Variants in TMEM255B observed in about 807,000 individuals in gnomAD.
TMEM255B encodes transmembrane protein 255B.
Under a neutral mutation model 34.5 loss-of-function variants are expected in TMEM255B, and 35 were observed. The observed-to-expected ratio is 1.01, with a 90% confidence interval of 0.77 to 1.34. The LOEUF (loss-of-function observed/expected upper bound fraction) is 1.34, where lower values mean the gene tolerates loss of function less well. TMEM255B is among the 40% of genes most tolerant of loss of function. The pLI, the probability that TMEM255B is intolerant of heterozygous loss-of-function variation, is 0.00. For synonymous variants in TMEM255B, 206 were observed against 201.2 expected, an observed-to-expected ratio of 1.02 and a Z score of -0.20; for missense variants, 432 against 433.2, an observed-to-expected ratio of 1.00 and a Z score of 0.02.
chr13:113,812,996 CGGGTCCCG>C lies in TMEM255B; in HGVS notation c.*1094_*1101del, dbSNP rs2051355968. ...TGGGTCACGGGTCCCGGGTGGGTCA[CGGGTCCCG>C]AGTGGGTCACGGGTCCCGGGTGGGT... On this transcript the variant is annotated 3_prime_UTR_variant, in exon 9 of 9. Transcript: ENST00000375353. 7.2e-6 allele frequency: 1 copy of C among 139,402 alleles called. No homozygotes were observed. Among genetic ancestry groups the C allele is most frequent in the African/African-American group, 3.3e-5 (1 of 30,212 alleles). 8.6% of individuals were successfully genotyped at this position (139,402 alleles called of 1,614,324 possible). A position where few individuals can be genotyped will look rare whatever the true frequency, so the allele number is the denominator to read the frequency against.
intron 3 of TMEM255B, among the ~76,000 whole-genome samples, chr13:113,785,457 T>G (rs946145856): frequency 2.6e-5 from 4 of 152,226 alleles, no homozygotes; most frequent in African/African-American, 9.6e-5. Flanking sequence ...TAGGGTCTCA[T>G]GTTTGCTCCT....
chr13:113,787,746 C>T (rs911300548), intron 3 of TMEM255B, among the ~76,000 whole-genome samples: 4 of 151,652 alleles, frequency 2.6e-5, no homozygotes, highest in African/African-American at 4.8e-5. Flanking sequence ...GTGTGAGAGC[C>T]GTGAATGTGT....
chr13:113,789,371 A>G (rs1256486107), intron 3 of TMEM255B, among the ~76,000 whole-genome samples: 1 of 152,152 alleles, frequency 6.6e-6, no homozygotes, highest in Non-Finnish European at 1.5e-5. Context: ...CTCATGGGCT[A>G]TGGAGAGTGG....
At chr13:113,811,631 G>A in intron 8 of TMEM255B, 105 bp from the exon 9 acceptor site, 5 of 1,350,654 alleles carry the variant, frequency 3.7e-6, no homozygotes, top group Middle Eastern at 2.6e-4. Flanking sequence ...GGTTGGCGGG[G>A]TGGGTGGGGA....
At chr13:113,773,695 A>T (rs1373756290) in intron 3 of TMEM255B, among the ~76,000 whole-genome samples, 1 of 152,334 alleles carries the variant, frequency 6.6e-6, no homozygotes, top group East Asian at 1.9e-4. Flanking sequence ...TTAATTTAAT[A>T]CTTGTGGTAG....
intron 2 of TMEM255B, 133 bp downstream of exon 2, chr13:113,766,390 A>G (rs2050391165): frequency 7.7e-7 from 1 of 1,304,624 alleles, no homozygotes. Context: ...TGTGGTCGGC[A>G]GGGTTATGGC....
chr13:113,790,406 G>A (rs113198195), intron 3 of TMEM255B, among the ~76,000 whole-genome samples: 5 of 95,540 alleles, frequency 5.2e-5, no homozygotes, highest in African/African-American at 1.1e-4. Context: ...GACCGGACAC[G>A]TGGACATCCT....
chr13:113,811,684 C>T lies in TMEM255B; in HGVS notation c.814-52C>T, dbSNP rs531927754. 158 of 1,603,718 alleles carry T rather than the reference C, an allele frequency of 9.9e-5. No homozygotes were observed. In the South Asian group the frequency reaches 1.2e-3, roughly 12 times the overall value. On this transcript the variant is annotated intron_variant, in intron 8 of 8. Transcript: ENST00000375353. Reference sequence around the variant, plus strand: ...GTATATGTCAGGCTTCCCTGTGGTCCGGCACGGGGTGGTCTCACCTGCTAA... The same window carrying T: ...GTATATGTCAGGCTTCCCTGTGGTCTGGCACGGGGTGGTCTCACCTGCTAA...
chr13:113,798,710 C>G (rs1234328937), intron 4 of TMEM255B, among the ~76,000 whole-genome samples: 2 of 125,820 alleles, frequency 1.6e-5, no homozygotes, highest in Non-Finnish European at 3.3e-5. Context: ...TGGATGGATA[C>G]ATGGATGGAT....
intron 3 of TMEM255B, among the ~76,000 whole-genome samples, chr13:113,775,938 G>A (rs2050569876): frequency 1.3e-5 from 2 of 152,224 alleles, no homozygotes; most frequent in African/African-American, 4.8e-5. Context: ...TTTTCCAGGT[G>A]CACGTGGCCT....
chr13:113,795,035 A>G (rs2050895802), intron 3 of TMEM255B, 113 bp from the exon 4 acceptor site: 3 of 906,618 alleles, frequency 3.3e-6, no homozygotes, highest in Non-Finnish European at 5.2e-6. Flanking sequence ...AGAGGTGAGA[A>G]GAGGCAGTTC....
chr13:113,812,778 C>T lies in TMEM255B; in HGVS notation c.*875C>T, dbSNP rs922119948. On this transcript the variant is annotated 3_prime_UTR_variant, in exon 9 of 9. Coordinates refer to ENST00000375353, the MANE Select transcript of TMEM255B (RefSeq NM_182614.4). ...AGCAGGTCCCGGGTGGGTCACAGGCCCCGGGTGGGTCACAGGACAGGTCTC... is the reference window on the plus strand; with the variant it reads ...AGCAGGTCCCGGGTGGGTCACAGGCTCCGGGTGGGTCACAGGACAGGTCTC... The T allele has an allele frequency of 1.2e-5, 2 of 160,636 alleles. No homozygotes were observed. 10.0% of individuals were successfully genotyped at this position (160,636 alleles called of 1,614,324 possible).
Position 113,791,928 on chromosome 13 carries a change from T to C in TMEM255B, c.253-3220T>C, listed in dbSNP as rs2050839078. Among the ~76,000 whole-genome samples the C allele has an allele frequency of 3.9e-5, 6 of 152,272 alleles. No individual in the cohort carries two copies. In the South Asian group the frequency reaches 1.2e-3, roughly 32 times the overall value. ...TGTGACGCCGCTCTCCCTGCAATGC[T>C]AGAGCGAGGCACGCAGCCCCCTGAT... On this transcript the variant is annotated intron_variant, in intron 3 of 8. Coordinates refer to ENST00000375353, the MANE Select transcript of TMEM255B (RefSeq NM_182614.4).
At chr13:113,791,619 T>C (rs1392598611) in intron 3 of TMEM255B, among the ~76,000 whole-genome samples, 1 of 152,148 alleles carries the variant, frequency 6.6e-6, no homozygotes, top group Non-Finnish European at 1.5e-5. Flanking sequence ...GAGCGAAAGA[T>C]GTTTAGAGCC....
intron 5 of TMEM255B, among the ~76,000 whole-genome samples, chr13:113,800,604 G>A (rs954441989): frequency 2.0e-5 from 3 of 152,036 alleles, no homozygotes; most frequent in African/African-American, 7.2e-5. Flanking sequence ...CCGATTATCC[G>A]GCCTCTGGGA....
intron 3 of TMEM255B, among the ~76,000 whole-genome samples, chr13:113,772,128 C>T (rs2050488635): frequency 6.6e-6 from 1 of 152,150 alleles, no homozygotes; most frequent in Non-Finnish European, 1.5e-5. Flanking sequence ...TGCCTATTGG[C>T]CGTTTGCATA....
chr13:113,799,558 C>T (rs531678629), intron 5 of TMEM255B, 139 bp downstream of exon 5: 17 of 736,854 alleles, frequency 2.3e-5, no homozygotes, highest in South Asian at 1.9e-4. Flanking sequence ...GCTGGTGAAC[C>T]GTTGATGCCC....
intron 8 of TMEM255B, among the ~76,000 whole-genome samples, chr13:113,807,728 T>C (rs1181116715): frequency 9.1e-5 from 8 of 87,734 alleles, no homozygotes; most frequent in South Asian, 4.9e-4. Context: ...CTGTCACACG[T>C]GGGCTTATGG....
Position 113,802,727 on chromosome 13 carries a change from T to C in TMEM255B, c.669+915T>C, listed in dbSNP as rs865945319. Among the ~76,000 whole-genome samples, 7 of 148,414 alleles carry C rather than the reference T, an allele frequency of 4.7e-5. 1 individual carries two copies. Among genetic ancestry groups the C allele is most frequent in the East Asian group, 1.9e-4 (1 of 5,190 alleles). On this transcript the variant is annotated intron_variant, in intron 7 of 8. Coordinates refer to ENST00000375353, the MANE Select transcript of TMEM255B (RefSeq NM_182614.4). ...TCAGCTCCTCCTTTTCTCAACACTT[T>C]TGTGCTTCCAGACAAAACTGGTGAA...
Sources: allele counts gnomAD v4.1 joint callset (sites outside exome capture counted in the v4.1 genomes callset), GRCh38; gene constraint gnomAD v4.1.1; transcripts MANE v1.5; gene names NCBI Gene and HGNC (gene_info 2026-07-23, HGNC 2026-07-21).